The following STK3 variants were observed in gnomAD, a reference collection of about 807,000 sequenced individuals.
The protein encoded by STK3 is serine/threonine kinase 3, also known as serine/threonine-protein kinase 3.
STK3 carries 41 observed loss-of-function variants against 58.0 expected under a neutral mutation model. That is an observed-to-expected ratio of 0.71 (90% CI 0.55 to 0.92). STK3 has a LOEUF of 0.92. Ranked by LOEUF, STK3 falls within the 40% of genes least tolerant of loss-of-function variation. The pLI, the probability that STK3 is intolerant of heterozygous loss-of-function variation, is 0.00. For synonymous variants in STK3, 170 were observed against 191.0 expected (o/e 0.89, Z 0.91); for missense variants, 479 against 602.7 (o/e 0.79, Z 2.15).
rs1439764734 is a variant in STK3, at chr8:98,698,922, T to C, written c.684+7545A>G. On this transcript the variant is annotated intron_variant, in intron 6 of 10. Coordinates refer to ENST00000419617, the MANE Select transcript of STK3 (RefSeq NM_006281.4). ...CTGAATGTTGGCCTGCCTTGCTAGA[T>C]TGGGGAAGTTCTCCTGGATAATATC... is the stretch of plus-strand genomic sequence containing the variant. Among the ~76,000 whole-genome samples, 7 of 152,236 alleles carry C rather than the reference T, an allele frequency of 4.6e-5. No individual in the cohort carries two copies. In the East Asian group the frequency reaches 1.2e-3, roughly 25 times the overall value.
At chr8:98,363,469 A>C in the STK3 span, among the ~76,000 whole-genome samples, 1 of 152,298 alleles carries the variant, frequency 6.6e-6, no homozygotes, top group Admixed American at 6.5e-5. Flanking sequence ...GTGCTCCCCC[A>C]AGGACCATGC....
chr8:98,696,477 G>A (rs1335297777), intron 6 of STK3, among the ~76,000 whole-genome samples: 2 of 151,602 alleles, frequency 1.3e-5, no homozygotes, highest in Admixed American at 6.6e-5. Context: ...CATTCAGTAT[G>A]ATATTGGCTG....
At chr8:98,368,071 G>C (rs1271449416), downstream of STK3, among the ~76,000 whole-genome samples, 2 of 152,058 alleles carry the variant, frequency 1.3e-5, no homozygotes, top group Non-Finnish European at 2.9e-5. Context: ...AGAATAAACA[G>C]AGAAAAACAG....
chr8:98,764,825 C>T (rs1199366691), intron 3 of STK3, among the ~76,000 whole-genome samples: 2 of 151,900 alleles, frequency 1.3e-5, no homozygotes, highest in African/African-American at 4.8e-5. Context: ...AAAAGAGAAA[C>T]TCAGGTAAGA....
downstream of STK3, among the ~76,000 whole-genome samples, chr8:98,398,704 G>T (rs948626130): frequency 6.6e-6 from 1 of 152,206 alleles, no homozygotes; most frequent in African/African-American, 2.4e-5. Flanking sequence ...GACACTGGGA[G>T]ATGGAGATGC....
At chr8:98,885,957 C>A (rs1837972423) in intron 1 of STK3, among the ~76,000 whole-genome samples, 1 of 152,146 alleles carries the variant, frequency 6.6e-6, no homozygotes, top group South Asian at 2.1e-4. Context: ...AAGCCAATAT[C>A]AAATACATAT....
chr8:98,830,914 G>A (rs191388286), intron 3 of STK3, among the ~76,000 whole-genome samples: 18 of 145,260 alleles, frequency 1.2e-4, no homozygotes, highest in Non-Finnish European at 2.2e-4. Context: ...AGCTTGCAGT[G>A]AGCCGAGATA....
rs376072788 is a variant in STK3, at chr8:98,596,385, T to C, written c.685-216A>G. 1.3e-4 allele frequency: 60 copies of C among 456,958 alleles called. 1 individual carries two copies. The East Asian group carries it at 1.7e-3, about 13-fold the overall frequency. 28.3% of individuals were successfully genotyped at this position (456,958 alleles called of 1,614,324 possible). A position where few individuals can be genotyped will look rare whatever the true frequency, so the allele number is the denominator to read the frequency against. Reference sequence around the variant, plus strand: ...TTTCCTCTATTTGAATTGTAGCTCATTGAGCACATCATTCTTTATTTTACC... The same window carrying C: ...TTTCCTCTATTTGAATTGTAGCTCACTGAGCACATCATTCTTTATTTTACC... On this transcript the variant is annotated intron_variant, in intron 6 of 10. Coordinates refer to ENST00000419617, the MANE Select transcript of STK3 (RefSeq NM_006281.4).
intron 6 of STK3, among the ~76,000 whole-genome samples, chr8:98,652,690 T>C (rs1319683104): frequency 6.7e-6 from 1 of 148,668 alleles, no homozygotes; most frequent in Non-Finnish European, 1.5e-5. Flanking sequence ...TCCTAGTCTC[T>C]GATAAAACAG....
chr8:98,529,782 A>T (rs1024814802), intron 9 of STK3, among the ~76,000 whole-genome samples: 2 of 152,218 alleles, frequency 1.3e-5, no homozygotes, highest in Admixed American at 1.3e-4. Context: ...AAAGAACAAA[A>T]TACTGTATGA....
intron 3 of STK3, among the ~76,000 whole-genome samples, chr8:98,425,687 G>A (rs1440160821): frequency 5.9e-5 from 9 of 152,182 alleles, no homozygotes; most frequent in Non-Finnish European, 1.3e-4. Context: ...GCCCCCATTC[G>A]AAGCCAGATT....
downstream of STK3, among the ~76,000 whole-genome samples, chr8:98,398,676 C>T (rs372686827): frequency 5.4e-4 from 82 of 152,146 alleles, 1 homozygote; most frequent in South Asian, 6.2e-4. Flanking sequence ...CCATCTCCCC[C>T]GAGGCTGCCA....
intron 10 of STK3, among the ~76,000 whole-genome samples, chr8:98,456,400 G>A (rs1191602509): frequency 6.6e-6 from 1 of 152,180 alleles, no homozygotes; most frequent in Non-Finnish European, 1.5e-5. Flanking sequence ...CAATAATCAT[G>A]AACACTTGCA....
intron 10 of STK3, among the ~76,000 whole-genome samples, chr8:98,477,837 C>T (rs1254856571): frequency 6.7e-6 from 1 of 150,234 alleles, no homozygotes; most frequent in Non-Finnish European, 1.5e-5. Flanking sequence ...TTGGTGGGGT[C>T]AGGGGTAATT....
At chr8:98,923,451 T>C (rs1276361655) in intron 1 of STK3, among the ~76,000 whole-genome samples, 1 of 152,168 alleles carries the variant, frequency 6.6e-6, no homozygotes, top group African/African-American at 2.4e-5. Flanking sequence ...GAATATGATA[T>C]TTTTTTAAAG....
At chr8:98,530,090 A>T (rs1001602453) in intron 9 of STK3, among the ~76,000 whole-genome samples, 1 of 152,148 alleles carries the variant, frequency 6.6e-6, no homozygotes, top group Non-Finnish European at 1.5e-5. Context: ...AGTCACATAA[A>T]TTTTTTGGTT....
At chr8:98,617,386 C>T (rs1242222219) in intron 6 of STK3, among the ~76,000 whole-genome samples, 3 of 138,422 alleles carry the variant, frequency 2.2e-5, no homozygotes, top group African/African-American at 5.5e-5. Context: ...GACACCCTAA[C>T]ATCACAATTA....
chr8:98,389,006 T>C (rs1191519528), upstream of STK3, among the ~76,000 whole-genome samples: 2 of 152,190 alleles, frequency 1.3e-5, no homozygotes, highest in Non-Finnish European at 2.9e-5. Context: ...GTTAAGTCAT[T>C]GTGAAAATAT....
intron 6 of STK3, among the ~76,000 whole-genome samples, chr8:98,643,068 T>C (rs1186528635): frequency 4.6e-5 from 7 of 151,950 alleles, no homozygotes; most frequent in Admixed American, 1.3e-4. Context: ...TACAAAAATA[T>C]TTAAAAATTA....
Sources: gnomAD v4.1 joint callset for allele counts (sites outside exome capture counted in the v4.1 genomes callset) on GRCh38, gnomAD v4.1.1 for gene constraint, MANE v1.5 for transcripts, NCBI Gene and HGNC (gene_info 2026-07-23, HGNC 2026-07-21) for gene names.